The following HEPHL1 variants were observed in gnomAD, a reference collection of about 807,000 sequenced individuals.
HEPHL1 encodes ferroxidase HEPHL1.
A neutral mutation model predicts 122.0 loss-of-function variants in HEPHL1; 123 were observed. The observed-to-expected ratio is 1.01, with a 90% CI of 0.87 to 1.17. HEPHL1 has a LOEUF of 1.17. Ranked by LOEUF, HEPHL1 falls within the 50% of genes most tolerant of loss-of-function variation. The probability of loss-of-function intolerance (pLI) is 0.00; values close to 1 mark genes in which losing one functional copy is unlikely to be tolerated. For missense variants in HEPHL1, 1,452 were observed against 1,430.5 expected (o/e 1.01, Z -0.24); for synonymous variants, 527 against 508.9 (o/e 1.04, Z -0.48).
chr11:94,096,187 A>G (rs1441124898), intron 13 of HEPHL1, among the ~76,000 whole-genome samples: 1 of 152,236 alleles, frequency 6.6e-6, no homozygotes, highest in African/African-American at 2.4e-5. Flanking sequence ...ATTTTGAGAT[A>G]CATCCCATGA....
chr11:94,060,298 G>C (rs911432129), intron 2 of HEPHL1, among the ~76,000 whole-genome samples: 3 of 151,424 alleles, frequency 2.0e-5, no homozygotes, highest in African/African-American at 7.3e-5. Context: ...ATATATATGT[G>C]TGTGTATATG....
chr11:94,083,659 T>A (rs1424941361), intron 10 of HEPHL1, among the ~76,000 whole-genome samples: 1 of 152,200 alleles, frequency 6.6e-6, no homozygotes, highest in African/African-American at 2.4e-5. Flanking sequence ...TAAAAAATAG[T>A]CCAAGGTTAC....
chr11:94,037,803 C>T (rs886110435), intron 1 of HEPHL1, among the ~76,000 whole-genome samples: 8 of 151,880 alleles, frequency 5.3e-5, no homozygotes, highest in African/African-American at 9.7e-5. Context: ...AACTCTAAAA[C>T]GCAGAGCGCC....
At chr11:94,055,270 G>T in intron 2 of HEPHL1, 1 of 283,520 alleles carries the variant, frequency 3.5e-6, no homozygotes, top group Non-Finnish European at 7.0e-6. Flanking sequence ...TCTGATTCCT[G>T]TTGAGCCACC....
At chr11:94,023,994 G>A (rs1297244642) in intron 1 of HEPHL1, among the ~76,000 whole-genome samples, 1 of 152,156 alleles carries the variant, frequency 6.6e-6, no homozygotes, top group Non-Finnish European at 1.5e-5. Flanking sequence ...GGACATAAGT[G>A]GAGTTCAGTG....
intron 13 of HEPHL1, among the ~76,000 whole-genome samples, chr11:94,097,367 C>G (rs937962781): frequency 2.0e-5 from 3 of 152,204 alleles, no homozygotes; most frequent in Non-Finnish European, 1.5e-5. Context: ...TTTGATTGCA[C>G]TGTGGTCTGA....
intron 1 of HEPHL1, among the ~76,000 whole-genome samples, chr11:94,022,407 G>C (rs1945589506): frequency 6.6e-6 from 1 of 152,176 alleles, no homozygotes; most frequent in Admixed American, 6.5e-5. Context: ...GGCAGAACCA[G>C]TTGCATTCTG....
intron 12 of HEPHL1, among the ~76,000 whole-genome samples, chr11:94,092,238 T>C (rs1166923320): frequency 1.3e-5 from 2 of 152,228 alleles, no homozygotes; most frequent in Non-Finnish European, 2.9e-5. Flanking sequence ...CTGTCTTTTG[T>C]GATGATCTGC....
chr11:94,101,282 G>C lies in HEPHL1; in HGVS notation c.2522G>C (p.Gly841Ala), dbSNP rs369581710. ...ASRPYSISAQGVEEMDSGKQF... is the reference protein window; with the variant it reads ...ASRPYSISAQAVEEMDSGKQF... Reference sequence around the variant, plus strand: ...AGGCCCTACTCCATCTCAGCCCAGGGTGTGGAGGAGATGGATAGTGGAAAG... The same window carrying C: ...AGGCCCTACTCCATCTCAGCCCAGGCTGTGGAGGAGATGGATAGTGGAAAG... Residue 841 changes from glycine to alanine, a missense_variant, in exon 14 of 20, where the codon GGT becomes GCT. Physicochemically the swap from Gly to Ala is moderately conservative, Grantham distance 60. Coordinates refer to ENST00000315765, the MANE Select transcript of HEPHL1 (RefSeq NM_001098672.2). The C allele has an allele frequency of 7.4e-6, 12 of 1,613,798 alleles. No homozygotes were observed. Among genetic ancestry groups the C allele is most frequent in the Non-Finnish European group, 1.0e-5 (12 of 1,179,824 alleles).
intron 11 of HEPHL1, among the ~76,000 whole-genome samples, chr11:94,086,869 G>A (rs1257011708): frequency 1.3e-5 from 2 of 152,200 alleles, no homozygotes; most frequent in Non-Finnish European, 1.5e-5. Flanking sequence ...AAAGTGAGGA[G>A]AACAAGCCCT....
At chr11:94,102,423 C>T (rs756624030) in intron 14 of HEPHL1, among the ~76,000 whole-genome samples, 1 of 152,138 alleles carries the variant, frequency 6.6e-6, no homozygotes, top group South Asian at 2.1e-4. Flanking sequence ...ATCTCACCTG[C>T]CCACTTGAGA....
intron 9 of HEPHL1, among the ~76,000 whole-genome samples, chr11:94,076,418 C>G (rs1946124839): frequency 6.6e-6 from 1 of 152,150 alleles, no homozygotes; most frequent in South Asian, 2.1e-4. Flanking sequence ...CATCCTCTTG[C>G]TTCCTCGCAG....
In HEPHL1 at chr11:94,064,454, A is replaced by C. The variant is rs753989408; in HGVS notation, c.752A>C (p.Asn251Thr). 3.7e-6 allele frequency: 6 copies of C among 1,613,120 alleles called. No homozygotes were observed. Among genetic ancestry groups the C allele is most frequent in the Non-Finnish European group, 5.1e-6 (6 of 1,179,244 alleles). The change falls in exon 4 of 20, where the codon AAC becomes ACC. Residue 251 changes from asparagine to threonine, a missense_variant. Transcript: ENST00000315765. ...GAAAATATCAAACATTTCTGCACCA[A>C]CCCTGATTCAGTTGACAAGAAAGAT... ...LNENIKHFCT[N>T]PDSVDKKDAV...
In HEPHL1 at chr11:94,111,554, T is replaced by C. The variant is rs202213689; in HGVS notation, c.3226T>C (p.Ser1076Pro). 1.4e-4 allele frequency: 225 copies of C among 1,603,442 alleles called. No individual in the cohort carries two copies. The highest frequency in any genetic ancestry group is 1.8e-4 in the Non-Finnish European group (206 of 1,174,652). The part of the protein sequence containing the change: ...LRNIDNRIPY[S>P]TTSPGVASHP... ...TTGTGCAGACAACAGGATTCCTTAC[T>C]CCACCACATCTCCTGGAGTGGCATC... The change falls in exon 19 of 20, where the codon TCC becomes CCC. Residue 1076 changes from serine to proline, a missense_variant. By Grantham distance (74) the Ser-to-Pro change is moderately conservative (BLOSUM62 -1). Coordinates refer to ENST00000315765, the MANE Select transcript of HEPHL1 (RefSeq NM_001098672.2).
intron 2 of HEPHL1, among the ~76,000 whole-genome samples, chr11:94,048,369 T>A (rs1016325346): frequency 2.6e-5 from 4 of 151,162 alleles, no homozygotes; most frequent in Non-Finnish European, 5.9e-5. Flanking sequence ...ATGTGCATAA[T>A]TTTTTTTTGA....
At chr11:94,101,554 C>A (rs1051339121) in intron 14 of HEPHL1, among the ~76,000 whole-genome samples, 17 of 152,264 alleles carry the variant, frequency 1.1e-4, no homozygotes, top group Middle Eastern at 3.4e-3. Context: ...TTGTCAACAT[C>A]CCCCACCAGA....
intron 1 of HEPHL1, among the ~76,000 whole-genome samples, chr11:94,038,281 G>A: frequency 6.8e-6 from 1 of 147,676 alleles, no homozygotes. Context: ...ATGGAACCAA[G>A]TTGGAAAACA....
intron 1 of HEPHL1, among the ~76,000 whole-genome samples, chr11:94,029,675 C>T (rs574176040): frequency 6.6e-6 from 1 of 152,300 alleles, no homozygotes; most frequent in African/African-American, 2.4e-5. Flanking sequence ...TTAGAAAACC[C>T]AATCCCCCCT....
At chr11:94,103,083 C>A in intron 15 of HEPHL1, 63 bp downstream of exon 15, 1 of 944,666 alleles carries the variant, frequency 1.1e-6, no homozygotes, top group South Asian at 1.3e-5. Context: ...CTACTTGGGT[C>A]ATCACAATTT....
Sources: gnomAD v4.1 joint callset for allele counts (sites outside exome capture counted in the v4.1 genomes callset) on GRCh38, gnomAD v4.1.1 for gene constraint, MANE v1.5 for transcripts, NCBI Gene and HGNC (gene_info 2026-07-23, HGNC 2026-07-21) for gene names.